VWA3A: variants seen among roughly 807,000 people sequenced by gnomAD.
VWA3A encodes the protein von Willebrand factor A domain containing 3A, also known as von Willebrand factor A domain-containing protein 3A.
In VWA3A, 134 loss-of-function variants were observed where a neutral mutation model predicts 160.4. The observed-to-expected ratio is 0.84, with a 90% CI of 0.73 to 0.96. The LOEUF (loss-of-function observed/expected upper bound fraction) is 0.96. Among genes scored for constraint, VWA3A ranks in the 40% least tolerant of loss-of-function variants. The pLI, the probability that VWA3A is intolerant of heterozygous loss-of-function variation, is 0.00. For synonymous variants in VWA3A, 476 were observed against 543.4 expected, an observed-to-expected ratio of 0.88 and a Z score of 1.72; for missense variants, 1,310 against 1,447.9, an observed-to-expected ratio of 0.90 and a Z score of 1.55.
chr16:22,093,234 T>G (rs1184414032), intron 1 of VWA3A, among the ~76,000 whole-genome samples: 1 of 152,158 alleles, frequency 6.6e-6, no homozygotes, highest in African/African-American at 2.4e-5. Flanking sequence ...AGTATGTTTA[T>G]GTAGGAGGGG....
intron 26 of VWA3A, among the ~76,000 whole-genome samples, chr16:22,145,795 A>T (rs990141556): frequency 1.3e-5 from 2 of 151,588 alleles, no homozygotes; most frequent in South Asian, 4.2e-4. Context: ...AAAAAAATAC[A>T]CTTAACAGAT....
At chr16:22,097,774 T>C in intron 3 of VWA3A, 79 bp downstream of exon 3, 5 of 1,516,810 alleles carry the variant, frequency 3.3e-6, no homozygotes, top group Non-Finnish European at 4.4e-6. Context: ...ATTCTGGGGA[T>C]TTCTTCCTTC....
Position 22,131,627 on chromosome 16 carries a change from C to T in VWA3A, c.1770C>T (p.Leu590=), listed in dbSNP as rs768714871. 5 of 1,613,756 alleles carry T rather than the reference C, an allele frequency of 3.1e-6. No individual in the cohort carries two copies. Among genetic ancestry groups the T allele is most frequent in the Non-Finnish European group, 1.7e-6 (2 of 1,179,836 alleles). The change falls in exon 19 of 34, where the codon CTC becomes CTT. Residue 590 remains leucine, a synonymous_variant. Coordinates refer to ENST00000389398, the MANE Select transcript of VWA3A (RefSeq NM_173615.5). ...GGTGTCGGGGCAGCAGGAACGTTCT[C>T]AGCGCCCTGCGGAAGGCTGTGGAAG... ...NLRCRGSRNV[L]SALRKAVEVD...
intron 19 of VWA3A, 126 bp downstream of exon 19, chr16:22,131,855 T>C: frequency 7.6e-7 from 1 of 1,318,818 alleles, no homozygotes; most frequent in Non-Finnish European, 1.0e-6. Flanking sequence ...CTTTAATGTA[T>C]AGACAAGCAC....
chr16:22,154,810 C>A (rs1257228824), intron 31 of VWA3A, among the ~76,000 whole-genome samples: 3 of 150,068 alleles, frequency 2.0e-5, no homozygotes, highest in African/African-American at 7.3e-5. Context: ...AAAAATTAGC[C>A]GGGCGCGGTG....
chr16:22,113,662 A>G (rs770275332), intron 8 of VWA3A, among the ~76,000 whole-genome samples: 1 of 151,816 alleles, frequency 6.6e-6, no homozygotes, highest in African/African-American at 2.4e-5. Flanking sequence ...TCAGTGGTAC[A>G]ATCATAGCTT....
intron 20 of VWA3A, among the ~76,000 whole-genome samples, chr16:22,134,096 T>G (rs1433256580): frequency 6.6e-6 from 1 of 152,096 alleles, no homozygotes; most frequent in Non-Finnish European, 1.5e-5. Context: ...CCTGAGCAGC[T>G]GGGACTACAG....
chr16:22,103,352 C>G, intron 5 of VWA3A, 123 bp from the exon 6 acceptor site: 1 of 881,810 alleles, frequency 1.1e-6, no homozygotes, highest in Non-Finnish European at 1.7e-6. Context: ...CCACCTTCTT[C>G]CAAGAACCTA....
chr16:22,123,066 T>TG lies in VWA3A; in HGVS notation c.1357-18dup, dbSNP rs750438542. The TG allele has an allele frequency of 8.2e-6, 13 of 1,584,040 alleles. No homozygotes were observed. In the African/African-American group the frequency reaches 1.7e-4, roughly 21 times the overall value. On this transcript the variant is annotated intron_variant, in intron 14 of 33. Coordinates refer to ENST00000389398, the MANE Select transcript of VWA3A (RefSeq NM_173615.5). ...ACTTCTGTTCGCCTGCTCACCCTCC[T>TG]GCCCATGCCTGAGTATAGAAGGCAA...
chr16:22,147,455 G>A (rs2046273602), intron 27 of VWA3A: 2 of 647,848 alleles, frequency 3.1e-6, no homozygotes, highest in South Asian at 1.7e-5. Flanking sequence ...GGGGATTCGG[G>A]CTATGGGGCC....
chr16:22,150,909 A>T, intron 30 of VWA3A, 63 bp downstream of exon 30: 1 of 1,531,170 alleles, frequency 6.5e-7, no homozygotes, highest in Non-Finnish European at 8.8e-7. Context: ...CTCAGCAGGG[A>T]GATCCAAGCC....
In VWA3A at chr16:22,146,328, G is replaced by T. The variant is rs763098930; in HGVS notation, c.2823G>T (p.Leu941=). The stretch of plus-strand genomic sequence containing the variant: ...TGTTAAGGCGCTATGTCCAGAGGCT[G>T]CAGTGGCTGCTGTCCGGTGAGCCTG... The part of the protein sequence containing the change: ...EKVLRRYVQR[L]QWLLSGSRRL... Residue 941 remains leucine, a synonymous_variant, in exon 27 of 34, where the codon CTG becomes CTT. Transcript: ENST00000389398. The T allele has an allele frequency of 1.7e-5, 28 of 1,612,994 alleles. No homozygotes were observed. The South Asian group carries it at 2.5e-4, about 15-fold the overall frequency.
At chr16:22,114,215 CT>C (rs1485265768) in intron 8 of VWA3A, among the ~76,000 whole-genome samples, 1 of 152,164 alleles carries the variant, frequency 6.6e-6, no homozygotes, top group African/African-American at 2.4e-5. Flanking sequence ...GAGATTTTCT[CT>C]TTCAGATTTT....
intron 3 of VWA3A, among the ~76,000 whole-genome samples, chr16:22,099,514 C>A (rs2045375553): frequency 6.6e-6 from 1 of 152,198 alleles, no homozygotes; most frequent in Non-Finnish European, 1.5e-5. Flanking sequence ...CATAATGGAA[C>A]CCACTTTGTA....
intron 18 of VWA3A, 37 bp from the exon 19 acceptor site, chr16:22,131,548 C>A: frequency 6.2e-7 from 1 of 1,604,016 alleles, no homozygotes. Flanking sequence ...TGGGCATGGG[C>A]CAATGACCCT....
chr16:22,121,168 G>A lies in VWA3A; in HGVS notation c.1252+65G>A, dbSNP rs987504961. 105 of 1,605,702 alleles carry A rather than the reference G, an allele frequency of 6.5e-5. No individual in the cohort carries two copies. In the East Asian group the frequency reaches 1.0e-3, roughly 16 times the overall value. The stretch of plus-strand genomic sequence containing the variant: ...CTGACTAAAAGGCTTGAATCCGGCC[G>A]GGCACAGTGGCTCACACCTGCAATC... On this transcript the variant is annotated intron_variant, in intron 13 of 33. Transcript: ENST00000389398.
Position 22,138,512 on chromosome 16 carries a change from G to T in VWA3A, c.2292G>T (p.Met764Ile). 21 of 1,613,800 alleles carry T rather than the reference G, an allele frequency of 1.3e-5. No homozygotes were observed. Among genetic ancestry groups the T allele is most frequent in the Non-Finnish European group, 1.8e-5 (21 of 1,179,816 alleles). Reference sequence around the variant, plus strand: ...CCACCGTCCCCCTGGGGGCCAGAATGGTTTGACTCCCCTCCTAATAACACG... The same window carrying T: ...CCACCGTCCCCCTGGGGGCCAGAATTGTTTGACTCCCCTCCTAATAACACG... ...PRPTVPLGARMSIKDDPDREK... is the reference protein window; with the variant it reads ...PRPTVPLGARISIKDDPDREK... Residue 764 changes from methionine (M) to isoleucine (I), a missense_variant and splice_region_variant, in exon 22 of 34, where the codon ATG becomes ATT. Physicochemically the swap from Met to Ile is conservative, Grantham distance 10. Coordinates refer to ENST00000389398, the MANE Select transcript of VWA3A (RefSeq NM_173615.5).
At chr16:22,133,540 C>T (rs570420215) in intron 20 of VWA3A, among the ~76,000 whole-genome samples, 37 of 149,698 alleles carry the variant, frequency 2.5e-4, no homozygotes, top group Non-Finnish European at 3.7e-4. Context: ...CCCAGCTACT[C>T]GGGAGGCTGA....
Position 22,146,257 on chromosome 16 carries a change from T to C in VWA3A, c.2752T>C (p.Trp918Arg). Residue 918 changes from tryptophan (W) to arginine (R), a missense_variant, in exon 27 of 34, where the codon TGG becomes CGG. Coordinates refer to ENST00000389398, the MANE Select transcript of VWA3A (RefSeq NM_173615.5). The stretch of plus-strand genomic sequence containing the variant: ...CCAGGGAGTGGTGAGACACATCCAG[T>C]GGACGCCCAGGGAGATGGAGGTGTA... ...EIHGVVRHIQ[W>R]TPREMEVYIR... The C allele has an allele frequency of 6.2e-7, 1 of 1,613,616 alleles. No homozygotes were observed. Among genetic ancestry groups the C allele is most frequent in the Non-Finnish European group, 8.5e-7 (1 of 1,179,678 alleles).
Sources: allele counts gnomAD v4.1 joint callset (sites outside exome capture counted in the v4.1 genomes callset), GRCh38; gene constraint gnomAD v4.1.1; transcripts MANE v1.5; gene names NCBI Gene and HGNC (gene_info 2026-07-23, HGNC 2026-07-21).